UNC5C: variants seen among roughly 807,000 people sequenced by gnomAD.
UNC5C encodes unc-5 netrin receptor C.
In UNC5C, 47 loss-of-function variants were observed where a neutral mutation model predicts 99.8. The observed-to-expected ratio is 0.47, with a 90% CI of 0.37 to 0.60. The LOEUF is 0.60. Ranked by LOEUF, UNC5C falls within the 20% of genes least tolerant of loss-of-function variation. The pLI, the probability that UNC5C is intolerant of heterozygous loss-of-function variation, is 0.00. For missense variants in UNC5C, 1,062 were observed against 1,165.9 expected (o/e 0.91, Z 1.30); for synonymous variants, 487 against 452.2 (o/e 1.08, Z -0.98).
At chr4:95,184,675 G>T (rs932700217) in intron 13 of UNC5C, among the ~76,000 whole-genome samples, 4 of 152,158 alleles carry the variant, frequency 2.6e-5, no homozygotes. Context: ...GCCTAGGAAG[G>T]CTGAAGCCTA....
rs146427584 is a variant in UNC5C, at chr4:95,187,338, A to C, written c.2137-2142T>G. ...GTCTAAAGAGCAATCGATAGTAATT[A>C]TCTGATTACTATAGATCTTCATTAT... is the stretch of plus-strand genomic sequence containing the variant. On this transcript the variant is annotated intron_variant, in intron 12 of 15. Coordinates refer to ENST00000453304, the MANE Select transcript of UNC5C (RefSeq NM_003728.4). 2.7e-3 allele frequency among the ~76,000 whole-genome samples: 404 copies of C among 152,358 alleles called. 1 individual carries two copies. Among genetic ancestry groups the C allele is most frequent in the African/African-American group, 9.0e-3 (376 of 41,584 alleles).
At chr4:95,225,246 G>A (rs1319322346) in intron 7 of UNC5C, among the ~76,000 whole-genome samples, 2 of 152,234 alleles carry the variant, frequency 1.3e-5, no homozygotes, top group Middle Eastern at 3.4e-3. Context: ...TACTAGACGC[G>A]GGGTTTCACC....
chr4:95,274,113 A>G (rs1447448589), intron 4 of UNC5C, among the ~76,000 whole-genome samples: 1 of 152,186 alleles, frequency 6.6e-6, no homozygotes, highest in Non-Finnish European at 1.5e-5. Context: ...GTCAGGCAAG[A>G]AGAAGAGTAA....
chr4:95,390,526 T>C (rs551997597), intron 1 of UNC5C, among the ~76,000 whole-genome samples: 5 of 152,306 alleles, frequency 3.3e-5, no homozygotes, highest in East Asian at 1.9e-4. Context: ...GAGGTCTGAA[T>C]TGAGGTCCAA....
At chr4:95,465,475 C>G (rs1270287747) in intron 1 of UNC5C, among the ~76,000 whole-genome samples, 2 of 152,142 alleles carry the variant, frequency 1.3e-5, no homozygotes, top group Non-Finnish European at 2.9e-5. Context: ...GCTACAATAT[C>G]GTGTAGGGTT....
intron 4 of UNC5C, among the ~76,000 whole-genome samples, chr4:95,262,556 A>G (rs1385435589): frequency 6.6e-6 from 1 of 152,184 alleles, no homozygotes; most frequent in East Asian, 1.9e-4. Flanking sequence ...TAAAAGCTGT[A>G]TTTCCAATAA....
intron 1 of UNC5C, among the ~76,000 whole-genome samples, chr4:95,511,651 C>A (rs1053892800): frequency 4.6e-5 from 7 of 152,068 alleles, no homozygotes; most frequent in Non-Finnish European, 1.0e-4. Context: ...CAACAGTAAC[C>A]AGATCTGCTC....
chr4:95,262,202 T>G (rs1462625537), intron 4 of UNC5C, among the ~76,000 whole-genome samples: 1 of 152,182 alleles, frequency 6.6e-6, no homozygotes, highest in East Asian at 1.9e-4. Context: ...GACAAATCCT[T>G]TTTGCAAATC....
chr4:95,185,369 C>T (rs747530785), intron 12 of UNC5C, among the ~76,000 whole-genome samples, 173 bp from the exon 13 acceptor site: 5 of 152,150 alleles, frequency 3.3e-5, no homozygotes, highest in Admixed American at 6.5e-5. Context: ...AACTAAAGCC[C>T]CTCCCATTTT....
At chr4:95,416,556 G>A (rs748481150) in intron 1 of UNC5C, among the ~76,000 whole-genome samples, 4 of 152,174 alleles carry the variant, frequency 2.6e-5, no homozygotes, top group Non-Finnish European at 5.9e-5. Context: ...AAAATAATAT[G>A]TGAAAGTGAA....
intron 5 of UNC5C, chr4:95,248,223 G>T: frequency 8.7e-6 from 2 of 229,058 alleles, no homozygotes; most frequent in Non-Finnish European, 1.7e-5. Flanking sequence ...TTTTTTTTTT[G>T]GCTGGGCCTA....
chr4:95,276,666 G>C (rs1740872449), intron 4 of UNC5C, among the ~76,000 whole-genome samples: 1 of 152,052 alleles, frequency 6.6e-6, no homozygotes, highest in South Asian at 2.1e-4. Flanking sequence ...ATGCACTATT[G>C]TCATTATCAA....
intron 1 of UNC5C, among the ~76,000 whole-genome samples, chr4:95,445,990 C>T (rs890899397): frequency 6.6e-6 from 1 of 151,082 alleles, no homozygotes; most frequent in Non-Finnish European, 1.5e-5. Flanking sequence ...AACAAACAAA[C>T]AAAAAAAACA....
chr4:95,203,580 C>T (rs1040188403), intron 11 of UNC5C, among the ~76,000 whole-genome samples: 1 of 152,126 alleles, frequency 6.6e-6, no homozygotes, highest in African/African-American at 2.4e-5. Flanking sequence ...AGTGATCCCC[C>T]AACCTCAGCC....
chr4:95,481,544 ATC>A (rs1721155699), intron 1 of UNC5C, among the ~76,000 whole-genome samples: 1 of 152,076 alleles, frequency 6.6e-6, no homozygotes, highest in Admixed American at 6.5e-5. Context: ...AAGAGCCCAC[ATC>A]GCCAAGTCAA....
intron 5 of UNC5C, among the ~76,000 whole-genome samples, chr4:95,247,631 G>C (rs1739550881): frequency 6.6e-6 from 1 of 152,172 alleles, no homozygotes; most frequent in Admixed American, 6.5e-5. Flanking sequence ...ACCCTCTGAA[G>C]ATCAGGTAGT....
intron 7 of UNC5C, among the ~76,000 whole-genome samples, chr4:95,224,539 A>G (rs1254620560): frequency 1.3e-5 from 2 of 152,228 alleles, no homozygotes; most frequent in Non-Finnish European, 2.9e-5. Flanking sequence ...AAACTACTCA[A>G]TAAATGTTTT....
At chr4:95,439,115 A>C (rs1746874487) in intron 1 of UNC5C, among the ~76,000 whole-genome samples, 1 of 152,152 alleles carries the variant, frequency 6.6e-6, no homozygotes, top group African/African-American at 2.4e-5. Flanking sequence ...ACCCTGGTGC[A>C]TATCCAAGTT....
intron 1 of UNC5C, among the ~76,000 whole-genome samples, chr4:95,389,276 C>G (rs1745291731): frequency 6.6e-6 from 1 of 152,188 alleles, no homozygotes; most frequent in Non-Finnish European, 1.5e-5. Context: ...CAAGGTTTAT[C>G]TTCCCATCAG....
Sources: gnomAD v4.1 joint callset for allele counts (sites outside exome capture counted in the v4.1 genomes callset) on GRCh38, gnomAD v4.1.1 for gene constraint, MANE v1.5 for transcripts, NCBI Gene and HGNC (gene_info 2026-07-23, HGNC 2026-07-21) for gene names.